Variants in DLG2 observed in about 807,000 individuals in gnomAD.
The protein encoded by DLG2 is disks large homolog 2.
DLG2 carries 45 observed loss-of-function variants against 132.5 expected under a neutral mutation model. That is an observed-to-expected ratio of 0.34 (90% confidence interval 0.27 to 0.44). The LOEUF (loss-of-function observed/expected upper bound fraction) is 0.44, where lower values mean the gene tolerates loss of function less well. Among genes scored for constraint, DLG2 ranks in the 20% least tolerant of loss-of-function variants. The pLI, the probability that DLG2 is intolerant of heterozygous loss-of-function variation, is 1.00. For missense variants in DLG2, 1,045 were observed against 1,196.9 expected (o/e 0.87, Z 1.87); for synonymous variants, 424 against 419.6 (o/e 1.01, Z -0.13).
At chr11:84,609,229 T>C (rs1275238419) in intron 6 of DLG2, among the ~76,000 whole-genome samples, 1 of 152,168 alleles carries the variant, frequency 6.6e-6, no homozygotes, top group Non-Finnish European at 1.5e-5. Context: ...GTAAGTTAGT[T>C]AACCTCTCTG....
intron 6 of DLG2, among the ~76,000 whole-genome samples, chr11:84,698,223 G>C (rs1244664442): frequency 7.1e-6 from 1 of 140,966 alleles, no homozygotes; most frequent in Non-Finnish European, 1.6e-5. Flanking sequence ...GTGAGATATA[G>C]CCATCTGATC....
At chr11:84,287,741 GACACACACAC>G (rs373708341) in intron 7 of DLG2, among the ~76,000 whole-genome samples, 187 of 139,292 alleles carry the variant, frequency 1.3e-3, no homozygotes, top group Non-Finnish European at 2.1e-3. Flanking sequence ...CTCTCTCTTA[GACACACACAC>G]ACACACACAC....
intron 9 of DLG2, among the ~76,000 whole-genome samples, chr11:84,129,423 C>G (rs1051788304): frequency 4.6e-5 from 7 of 151,950 alleles, no homozygotes; most frequent in Admixed American, 4.6e-4. Context: ...ATAAACTGTC[C>G]AAATGTCCCC....
chr11:84,400,891 C>T (rs1466554534), intron 7 of DLG2, among the ~76,000 whole-genome samples: 1 of 152,034 alleles, frequency 6.6e-6, no homozygotes, highest in Non-Finnish European at 1.5e-5. Flanking sequence ...CTAACTTTCC[C>T]TCTACCCTGT....
chr11:84,526,020 G>T (rs2099319385), intron 7 of DLG2, among the ~76,000 whole-genome samples: 3 of 152,008 alleles, frequency 2.0e-5, no homozygotes, highest in African/African-American at 7.2e-5. Flanking sequence ...AAATTAAACA[G>T]TTTTTCTACG....
chr11:83,478,349 T>G (rs1272441103), intron 22 of DLG2, among the ~76,000 whole-genome samples: 1 of 152,050 alleles, frequency 6.6e-6, no homozygotes, highest in African/African-American at 2.4e-5. Context: ...CCAATAGAGA[T>G]AATTAGATTC....
chr11:84,706,113 C>T (rs1330102092), intron 6 of DLG2, among the ~76,000 whole-genome samples: 1 of 151,776 alleles, frequency 6.6e-6, no homozygotes, highest in Non-Finnish European at 1.5e-5. Context: ...TGAAGGAATA[C>T]TATTAATATT....
intron 8 of DLG2, among the ~76,000 whole-genome samples, chr11:84,178,711 T>G (rs534007027): frequency 6.6e-6 from 1 of 151,462 alleles, no homozygotes; most frequent in Admixed American, 6.6e-5. Context: ...ACTGCTATGA[T>G]GCCAGGCTTC....
At chr11:84,632,294 T>A (rs1278664865) in intron 6 of DLG2, among the ~76,000 whole-genome samples, 2 of 151,936 alleles carry the variant, frequency 1.3e-5, no homozygotes, top group African/African-American at 4.8e-5. Flanking sequence ...AGACAAATCC[T>A]CATTGATCAT....
intron 6 of DLG2, among the ~76,000 whole-genome samples, chr11:84,970,998 T>C (rs372602172): frequency 7.2e-5 from 11 of 152,282 alleles, no homozygotes; most frequent in African/African-American, 2.4e-4. Flanking sequence ...TTTAAATTAC[T>C]TGGGGTATAA....
intron 6 of DLG2, among the ~76,000 whole-genome samples, chr11:84,768,153 A>G (rs552863073): frequency 1.3e-5 from 2 of 152,306 alleles, no homozygotes; most frequent in African/African-American, 4.8e-5. Context: ...ACGTATATTT[A>G]TAAATAAAGT....
intron 6 of DLG2, among the ~76,000 whole-genome samples, chr11:84,623,536 G>C (rs2099617390): frequency 6.6e-6 from 1 of 152,150 alleles, no homozygotes; most frequent in African/African-American, 2.4e-5. Flanking sequence ...ACAGATGAAG[G>C]AATGATTAGA....
At chr11:84,980,131 C>T (rs1481051320) in intron 6 of DLG2, among the ~76,000 whole-genome samples, 5 of 152,108 alleles carry the variant, frequency 3.3e-5, no homozygotes, top group East Asian at 3.9e-4. Context: ...AGCATACCAT[C>T]GTGTCAAGTA....
intron 11 of DLG2, among the ~76,000 whole-genome samples, chr11:84,030,086 G>A (rs770209389): frequency 1.2e-4 from 18 of 151,368 alleles, no homozygotes; most frequent in Admixed American, 2.0e-4. Context: ...TTTACCTTCC[G>A]TCTCCCCCAA....
At chr11:84,048,033 A>G (rs1415352046) in intron 11 of DLG2, among the ~76,000 whole-genome samples, 1 of 151,566 alleles carries the variant, frequency 6.6e-6, no homozygotes, top group African/African-American at 2.4e-5. Context: ...CCAATTCACA[A>G]GCATATGTCT....
intron 6 of DLG2, among the ~76,000 whole-genome samples, chr11:84,829,121 T>G (rs2078700562): frequency 6.6e-6 from 1 of 151,608 alleles, no homozygotes; most frequent in African/African-American, 2.4e-5. Flanking sequence ...AGAAAAATAA[T>G]GATATATAAT....
intron 9 of DLG2, among the ~76,000 whole-genome samples, chr11:84,126,837 T>C (rs2094197325): frequency 6.6e-6 from 1 of 152,216 alleles, no homozygotes; most frequent in Non-Finnish European, 1.5e-5. Flanking sequence ...ATTTTTGGGG[T>C]AATAGAATGT....
chr11:83,874,527 A>AT, intron 15 of DLG2, 39 bp from the exon 16 acceptor site: 4 of 1,427,700 alleles, frequency 2.8e-6, no homozygotes, highest in South Asian at 1.4e-5. Context: ...TCATTTATTT[A>AT]TTTTTTATTT....
chr11:83,672,547 T>C (rs2077010027), intron 18 of DLG2, among the ~76,000 whole-genome samples: 1 of 152,184 alleles, frequency 6.6e-6, no homozygotes, highest in Admixed American at 6.5e-5. Context: ...CTCAGTGTAC[T>C]CCTAACAATA....
Sources: allele counts gnomAD v4.1 joint callset (sites outside exome capture counted in the v4.1 genomes callset), GRCh38; gene constraint gnomAD v4.1.1; transcripts MANE v1.5; gene names NCBI Gene and HGNC (gene_info 2026-07-23, HGNC 2026-07-21).